RYR2: variants seen among roughly 807,000 people sequenced by gnomAD.
The protein encoded by RYR2 is ryanodine receptor 2.
RYR2 carries 227 observed loss-of-function variants against 601.1 expected under a neutral mutation model. The ratio of observed to expected loss-of-function variants is 0.38; its 90% confidence interval spans 0.34 to 0.42. RYR2 has a LOEUF of 0.42. RYR2 is among the 10% of genes least tolerant of loss of function. The pLI is 1.00. For synonymous variants in RYR2, 2,223 were observed against 2,175.1 expected, an observed-to-expected ratio of 1.02 and a Z score of -0.61; for missense variants, 4,646 against 6,156.5, an observed-to-expected ratio of 0.75 and a Z score of 8.21.
rs188888747 is a variant in RYR2, at chr1:237,309,885, C to T, written c.169-20993C>T. ...GCTGCCGCAGGTGCTAAGCCCCTCA[C>T]TGCCCGGGGCCGGCAGTGCCAGCCA... On this transcript the variant is annotated intron_variant, in intron 2 of 104. Transcript: ENST00000366574. 4.3e-4 allele frequency among the ~76,000 whole-genome samples: 65 copies of T among 152,300 alleles called. 1 individual carries two copies. The highest frequency in any genetic ancestry group is 1.4e-3 in the African/African-American group (57 of 41,582).
chr1:237,695,821 C>G (rs1687374741), intron 63 of RYR2, among the ~76,000 whole-genome samples: 1 of 152,174 alleles, frequency 6.6e-6, no homozygotes, highest in Non-Finnish European at 1.5e-5. Context: ...GAGTCCCTTT[C>G]CCATTTTTTA....
chr1:237,542,663 A>C (rs2148041898), intron 25 of RYR2, among the ~76,000 whole-genome samples: 2 of 152,240 alleles, frequency 1.3e-5, no homozygotes, highest in Non-Finnish European at 2.9e-5. Context: ...CTCGTGCCTC[A>C]TCCGGGCCTC....
intron 11 of RYR2, among the ~76,000 whole-genome samples, chr1:237,418,709 T>G (rs1223469208): frequency 6.6e-6 from 1 of 152,104 alleles, no homozygotes; most frequent in Non-Finnish European, 1.5e-5. Context: ...CACTACATCC[T>G]ACTCCTCTGC....
At chr1:237,710,991 C>T (rs1389923402) in intron 70 of RYR2, among the ~76,000 whole-genome samples, 1 of 152,008 alleles carries the variant, frequency 6.6e-6, no homozygotes, top group Non-Finnish European at 1.5e-5. Context: ...AGGGGGAGCC[C>T]AGGAAAAAAT....
At chr1:237,219,780 G>A (rs1683604085) in intron 1 of RYR2, among the ~76,000 whole-genome samples, 1 of 152,172 alleles carries the variant, frequency 6.6e-6, no homozygotes, top group Admixed American at 6.5e-5. Context: ...CAGAACAAGA[G>A]ATTACCATAA....
At chr1:237,328,225 C>A (rs896807759) in intron 2 of RYR2, among the ~76,000 whole-genome samples, 6 of 151,862 alleles carry the variant, frequency 4.0e-5, no homozygotes, top group African/African-American at 1.5e-4. Context: ...AAGTATAAGC[C>A]CTCACATTTT....
In RYR2 at chr1:237,369,514, T is replaced by C. The variant is rs1230301543; in HGVS notation, c.310-20T>C. Reference sequence around the variant, plus strand: ...TTGTGTTTTTCTCTCTTGTTCTCCTTTTTTCTCTTCTCTCTAAAGACTGCT... The same window carrying C: ...TTGTGTTTTTCTCTCTTGTTCTCCTCTTTTCTCTTCTCTCTAAAGACTGCT... On this transcript the variant is annotated intron_variant, in intron 5 of 104. Transcript: ENST00000366574. 6.4e-7 allele frequency: 1 copy of C among 1,552,480 alleles called. No homozygotes were observed. The highest frequency in any genetic ancestry group is 1.4e-5 in the African/African-American group (1 of 73,240).
intron 1 of RYR2, among the ~76,000 whole-genome samples, chr1:237,237,165 G>A (rs1221261628): frequency 6.6e-6 from 1 of 152,134 alleles, no homozygotes; most frequent in African/African-American, 2.4e-5. Context: ...ATGCTGAACT[G>A]TGAGTCAATT....
intron 1 of RYR2, among the ~76,000 whole-genome samples, chr1:237,237,343 T>A (rs764522080): frequency 1.3e-5 from 2 of 152,226 alleles, no homozygotes; most frequent in Non-Finnish European, 2.9e-5. Context: ...AGGAAATTAT[T>A]GATGAATATA....
intron 1 of RYR2, among the ~76,000 whole-genome samples, chr1:237,053,662 T>G (rs1052546223): frequency 6.6e-6 from 1 of 152,238 alleles, no homozygotes; most frequent in Non-Finnish European, 1.5e-5. Context: ...TGCTTCTTGC[T>G]GGACTTATAT....
chr1:237,382,290 A>G (rs1248052628), intron 8 of RYR2, among the ~76,000 whole-genome samples: 2 of 152,232 alleles, frequency 1.3e-5, no homozygotes, highest in Non-Finnish European at 2.9e-5. Context: ...CTAAAGGGTG[A>G]TGGAAAATGC....
chr1:237,246,773 C>T (rs911754774), intron 1 of RYR2, among the ~76,000 whole-genome samples: 1 of 151,998 alleles, frequency 6.6e-6, no homozygotes, highest in African/African-American at 2.4e-5. Context: ...CATTTGCTTT[C>T]TTATTATATT....
At chr1:237,282,074 G>A (rs1690947476) in intron 2 of RYR2, among the ~76,000 whole-genome samples, 1 of 151,904 alleles carries the variant, frequency 6.6e-6, no homozygotes, top group Admixed American at 6.6e-5. Flanking sequence ...TAGAAGCCTG[G>A]CTATAAAGTA....
intron 19 of RYR2, among the ~76,000 whole-genome samples, chr1:237,494,802 G>T (rs1663854926): frequency 6.6e-6 from 1 of 152,022 alleles, no homozygotes; most frequent in Non-Finnish European, 1.5e-5. Context: ...GATGTGTTTT[G>T]TTTTTTGAGA....
chr1:237,355,270 G>A (rs933919633), intron 3 of RYR2, among the ~76,000 whole-genome samples: 1 of 152,064 alleles, frequency 6.6e-6, no homozygotes, highest in Non-Finnish European at 1.5e-5. Flanking sequence ...TTTTTATTCT[G>A]ATTTATTTGC....
At position 237,705,356 on chromosome 1, in the gene RYR2, CAT is replaced by C. The variant is rs747727249; in HGVS notation, c.9580+14_9580+15del. 4 of 1,596,950 alleles carry C rather than the reference CAT, an allele frequency of 2.5e-6. No individual in the cohort carries two copies. Among genetic ancestry groups the C allele is most frequent in the Non-Finnish European group, 3.4e-6 (4 of 1,169,684 alleles). On this transcript the variant is annotated intron_variant, in intron 67 of 104. Coordinates refer to ENST00000366574, the MANE Select transcript of RYR2 (RefSeq NM_001035.3). The stretch of plus-strand genomic sequence containing the variant: ...CGAGAAAGAGCAGGTAACACAGAAA[CAT>C]GTGCAGTGCTTTGAGATATGAAGCT...
chr1:237,098,190 G>A (rs1008668209), intron 1 of RYR2, among the ~76,000 whole-genome samples: 5 of 152,040 alleles, frequency 3.3e-5, no homozygotes, highest in African/African-American at 9.7e-5. Flanking sequence ...ACACAGAAAC[G>A]GGCCAGTGAT....
At chr1:237,063,681 T>TGTAA (rs1231891893) in intron 1 of RYR2, among the ~76,000 whole-genome samples, 1 of 152,202 alleles carries the variant, frequency 6.6e-6, no homozygotes, top group African/African-American at 2.4e-5. Context: ...GATTTACTTA[T>TGTAA]ATGTTGCACT....
intron 1 of RYR2, among the ~76,000 whole-genome samples, chr1:237,115,401 C>G (rs1362212037): frequency 6.6e-6 from 1 of 152,210 alleles, no homozygotes; most frequent in Non-Finnish European, 1.5e-5. Context: ...AGCCCTCACA[C>G]AGCAAGGCTA....
Sources: gnomAD v4.1 joint callset for allele counts (sites outside exome capture counted in the v4.1 genomes callset) on GRCh38, gnomAD v4.1.1 for gene constraint, MANE v1.5 for transcripts, NCBI Gene and HGNC (gene_info 2026-07-23, HGNC 2026-07-21) for gene names.